TRAPPC9: variants seen among roughly 807,000 people sequenced by gnomAD.
TRAPPC9 encodes the protein IKK2 binding protein.
In TRAPPC9, 83 loss-of-function variants were observed where a neutral mutation model predicts 124.0. The observed-to-expected ratio is 0.67, with a 90% CI of 0.56 to 0.80. The LOEUF (loss-of-function observed/expected upper bound fraction) is 0.80. Among genes scored for constraint, TRAPPC9 ranks in the 30% least tolerant of loss-of-function variants. The pLI, the probability that TRAPPC9 is intolerant of heterozygous loss-of-function variation, is 0.00. For synonymous variants in TRAPPC9, 638 were observed against 617.5 expected (o/e 1.03, Z -0.49); for missense variants, 1,302 against 1,508.3 (o/e 0.86, Z 2.27).
chr8:140,150,545 T>C (rs1312877367), intron 17 of TRAPPC9, among the ~76,000 whole-genome samples: 1 of 152,184 alleles, frequency 6.6e-6, no homozygotes, highest in Non-Finnish European at 1.5e-5. Flanking sequence ...CAAGAGTTGG[T>C]TGGGATGGAT....
intron 17 of TRAPPC9, among the ~76,000 whole-genome samples, chr8:140,092,089 A>AAC (rs1844604464): frequency 6.6e-6 from 1 of 151,960 alleles, no homozygotes; most frequent in African/African-American, 2.4e-5. Context: ...AAAAAAAAAA[A>AAC]AAACAAACCT....
intron 11 of TRAPPC9, among the ~76,000 whole-genome samples, chr8:140,293,650 G>A (rs2065725218): frequency 6.6e-6 from 1 of 151,940 alleles, no homozygotes; most frequent in East Asian, 1.9e-4. Flanking sequence ...TCACTCATAG[G>A]TGGGAATTGA....
intron 9 of TRAPPC9, among the ~76,000 whole-genome samples, chr8:140,351,957 A>G (rs185577929): frequency 1.7e-3 from 265 of 152,248 alleles, no homozygotes; most frequent in African/African-American, 6.2e-3. Context: ...TTGTGCAACA[A>G]CCACCACAAT....
At chr8:140,439,453 T>C (rs1302623492) in intron 2 of TRAPPC9, among the ~76,000 whole-genome samples, 2 of 152,260 alleles carry the variant, frequency 1.3e-5, no homozygotes, top group Non-Finnish European at 2.9e-5. Flanking sequence ...ACGTAGGCAA[T>C]GTTACAGTTG....
chr8:140,189,476 A>T (rs2062432447), intron 17 of TRAPPC9, among the ~76,000 whole-genome samples: 1 of 152,238 alleles, frequency 6.6e-6, no homozygotes, highest in African/African-American at 2.4e-5. Context: ...GCAGTAACTT[A>T]AAAATAAGCT....
intron 19 of TRAPPC9, among the ~76,000 whole-genome samples, chr8:139,950,812 T>C (rs908089445): frequency 1.3e-5 from 2 of 152,166 alleles, no homozygotes; most frequent in East Asian, 1.9e-4. Context: ...CGGACTGATG[T>C]AGTGGTTGCA....
intron 16 of TRAPPC9, among the ~76,000 whole-genome samples, chr8:140,250,392 C>T (rs947154572): frequency 2.0e-5 from 3 of 152,114 alleles, no homozygotes; most frequent in African/African-American, 7.2e-5. Context: ...CTTCAGTAAC[C>T]ATAATTAATG....
At chr8:139,849,853 T>C (rs781710418) in intron 21 of TRAPPC9, among the ~76,000 whole-genome samples, 3 of 152,202 alleles carry the variant, frequency 2.0e-5, no homozygotes, top group Non-Finnish European at 2.9e-5. Context: ...TCTGCCAGCA[T>C]ACCTCACTTC....
chr8:140,456,059 T>C (rs940615654), intron 1 of TRAPPC9, among the ~76,000 whole-genome samples: 12 of 152,124 alleles, frequency 7.9e-5, no homozygotes, highest in African/African-American at 2.7e-4. Context: ...AGTTTCTTTC[T>C]GGGGTGATGA....
chr8:140,389,912 G>T (rs116462842), intron 7 of TRAPPC9, among the ~76,000 whole-genome samples: 1 of 151,878 alleles, frequency 6.6e-6, no homozygotes, highest in Admixed American at 6.6e-5. Flanking sequence ...GAAACCAGGG[G>T]AAGGTTAAAT....
At chr8:139,986,738 T>C (rs1488618080) in intron 19 of TRAPPC9, among the ~76,000 whole-genome samples, 2 of 152,240 alleles carry the variant, frequency 1.3e-5, no homozygotes, top group African/African-American at 2.4e-5. Flanking sequence ...TCATGAAATG[T>C]ACAAATCTCA....
intron 21 of TRAPPC9, among the ~76,000 whole-genome samples, chr8:139,874,491 GGCCCAGGCGA>G (rs1829195130): frequency 6.6e-6 from 1 of 152,238 alleles, no homozygotes; most frequent in South Asian, 2.1e-4. Flanking sequence ...AATGCAGCTG[GGCCCAGGCGA>G]GGCACAAACG....
At chr8:140,081,346 C>CATTTTTTTTTTTTTTTTTTTTTTT (rs35254769) in intron 17 of TRAPPC9, among the ~76,000 whole-genome samples, 1 of 141,050 alleles carries the variant, frequency 7.1e-6, no homozygotes. Flanking sequence ...AAAATGAATG[C>CATTTTTTTTTTTTTTTTTTTTTTT]TTTTTTTTTT....
intron 7 of TRAPPC9, among the ~76,000 whole-genome samples, chr8:140,377,042 T>C (rs913633488): frequency 6.6e-6 from 1 of 152,118 alleles, no homozygotes; most frequent in African/African-American, 2.4e-5. Context: ...GTCAGTGCCC[T>C]TGTTGAGTGC....
intron 16 of TRAPPC9, among the ~76,000 whole-genome samples, chr8:140,229,584 T>C (rs2063544163): frequency 6.6e-6 from 1 of 150,860 alleles, no homozygotes; most frequent in Non-Finnish European, 1.5e-5. Context: ...TTTTTTCTTT[T>C]TTGAGACAGA....
At chr8:140,332,631 T>C (rs889627358) in intron 9 of TRAPPC9, among the ~76,000 whole-genome samples, 1 of 152,018 alleles carries the variant, frequency 6.6e-6, no homozygotes, top group African/African-American at 2.4e-5. Flanking sequence ...ATAAAAAATT[T>C]TAAAGTTTTA....
intron 21 of TRAPPC9, among the ~76,000 whole-genome samples, chr8:139,874,429 C>A: frequency 6.6e-6 from 1 of 152,226 alleles, no homozygotes; most frequent in South Asian, 2.1e-4. Flanking sequence ...GCAGACAGTA[C>A]AACCTTAAGG....
chr8:139,976,135 C>T (rs994675814), intron 19 of TRAPPC9, among the ~76,000 whole-genome samples: 17 of 152,024 alleles, frequency 1.1e-4, no homozygotes, highest in African/African-American at 4.1e-4. Context: ...TCGTGATCCG[C>T]TCGCCTCAGC....
chr8:140,109,954 T>A (rs1320642294), intron 17 of TRAPPC9, among the ~76,000 whole-genome samples: 4 of 152,122 alleles, frequency 2.6e-5, no homozygotes, highest in African/African-American at 9.7e-5. Context: ...CTGAACATGC[T>A]CTGTATGCTC....
Sources: allele counts gnomAD v4.1 joint callset (sites outside exome capture counted in the v4.1 genomes callset), GRCh38; gene constraint gnomAD v4.1.1; transcripts MANE v1.5; gene names NCBI Gene and HGNC (gene_info 2026-07-23, HGNC 2026-07-21).